The following NCOA2 variants were observed in gnomAD, a reference collection of about 807,000 sequenced individuals.
NCOA2 encodes nuclear receptor coactivator 2.
NCOA2 carries 21 observed loss-of-function variants against 145.1 expected under a neutral mutation model. The ratio of observed to expected loss-of-function variants is 0.14; its 90% confidence interval spans 0.10 to 0.21. The LOEUF is 0.21. NCOA2 is among the 10% of genes least tolerant of loss of function. The probability of loss-of-function intolerance (pLI) is 1.00; values close to 1 mark genes in which losing one functional copy is unlikely to be tolerated. For missense variants in NCOA2, 1,472 were observed against 1,837.6 expected, an observed-to-expected ratio of 0.80 and a Z score of 3.64; for synonymous variants, 619 against 637.5, an observed-to-expected ratio of 0.97 and a Z score of 0.44.
chr8:70,411,287 A>G, the NCOA2 span, among the ~76,000 whole-genome samples: 1 of 152,194 alleles, frequency 6.6e-6, no homozygotes, highest in Non-Finnish European at 1.5e-5. Context: ...CAATGTGATA[A>G]AAGGGGAAAA....
intron 22 of NCOA2, among the ~76,000 whole-genome samples, chr8:70,114,931 C>G (rs544002663): frequency 9.9e-5 from 15 of 152,228 alleles, no homozygotes; most frequent in African/African-American, 2.9e-4. Context: ...CACAATTCTC[C>G]TAAGCTTAAA....
intron 1 of NCOA2, among the ~76,000 whole-genome samples, chr8:70,302,416 C>G (rs966360743): frequency 1.3e-5 from 2 of 152,124 alleles, no homozygotes; most frequent in African/African-American, 4.8e-5. Context: ...ATTTCTTTCT[C>G]TGTTTAAAAG....
chr8:70,340,800 G>A (rs796191369), intron 1 of NCOA2, among the ~76,000 whole-genome samples: 9 of 152,262 alleles, frequency 5.9e-5, no homozygotes, highest in South Asian at 4.1e-4. Flanking sequence ...TGGACATGAA[G>A]TTACTATCCT....
At chr8:70,366,342 A>G (rs994881844) in intron 1 of NCOA2, among the ~76,000 whole-genome samples, 2 of 152,198 alleles carry the variant, frequency 1.3e-5, no homozygotes, top group African/African-American at 4.8e-5. Context: ...GCACAGGTTC[A>G]CAAAGCTTCT....
At chr8:70,405,309 A>G (rs1318263159), upstream of NCOA2, among the ~76,000 whole-genome samples, 2 of 152,110 alleles carry the variant, frequency 1.3e-5, no homozygotes, top group African/African-American at 2.4e-5. Context: ...TTGGAAGCCT[A>G]TAACAACAAA....
chr8:70,252,526 C>G lies in NCOA2; in HGVS notation c.-19-35762G>C, dbSNP rs115078220. 1.9e-3 allele frequency among the ~76,000 whole-genome samples: 296 copies of G among 152,308 alleles called. 2 individuals carry two copies. The highest frequency in any genetic ancestry group is 6.8e-3 in the African/African-American group (284 of 41,564). ...ACATAACTTCTTCCCATCCTTAACT[C>G]TGGTGGGTTAACCAGATTTGCTCTT... On this transcript the variant is annotated intron_variant, in intron 2 of 22. Coordinates refer to ENST00000452400, the MANE Select transcript of NCOA2 (RefSeq NM_006540.4).
intron 5 of NCOA2, among the ~76,000 whole-genome samples, chr8:70,173,876 A>G (rs1261999602): frequency 6.6e-6 from 1 of 152,148 alleles, no homozygotes; most frequent in African/African-American, 2.4e-5. Flanking sequence ...AAGGGGGACT[A>G]TTGGTTATCT....
intron 2 of NCOA2, among the ~76,000 whole-genome samples, chr8:70,224,179 T>C (rs1261522555): frequency 6.6e-6 from 1 of 152,190 alleles, no homozygotes; most frequent in African/African-American, 2.4e-5. Context: ...CATGCACAAT[T>C]ATTCCCCGAA....
chr8:70,243,657 A>G (rs951820431), intron 2 of NCOA2, among the ~76,000 whole-genome samples: 1 of 151,986 alleles, frequency 6.6e-6, no homozygotes, highest in Admixed American at 6.6e-5. Flanking sequence ...TATTATTCAA[A>G]ATATTTAACA....
the NCOA2 span, among the ~76,000 whole-genome samples, chr8:70,435,303 T>C: frequency 6.7e-6 from 1 of 149,544 alleles, no homozygotes; most frequent in African/African-American, 2.5e-5. Flanking sequence ...TGGGCGCCTG[T>C]AATCCCAGCT....
intron 1 of NCOA2, among the ~76,000 whole-genome samples, chr8:70,299,674 T>C (rs1239836129): frequency 1.3e-5 from 2 of 152,202 alleles, no homozygotes; most frequent in African/African-American, 4.8e-5. Flanking sequence ...GACAAGGATA[T>C]GAAGAAATCA....
upstream of NCOA2, among the ~76,000 whole-genome samples, chr8:70,405,437 GT>G (rs34814735): frequency 2.4e-3 from 145 of 59,364 alleles, no homozygotes; most frequent in African/African-American, 0.01. Context: ...ATTTTTAAAG[GT>G]TTTTTTTTTT....
At chr8:70,383,348 A>G (rs1312405034) in intron 1 of NCOA2, among the ~76,000 whole-genome samples, 1 of 152,220 alleles carries the variant, frequency 6.6e-6, no homozygotes, top group African/African-American at 2.4e-5. Context: ...TAAGACAGAC[A>G]CACTGTCAGA....
At chr8:70,183,932 A>G (rs1361973759) in intron 4 of NCOA2, among the ~76,000 whole-genome samples, 1 of 152,212 alleles carries the variant, frequency 6.6e-6, no homozygotes, top group Non-Finnish European at 1.5e-5. Flanking sequence ...CTGTGAATAC[A>G]GTTTCACAGC....
chr8:70,128,072 C>T (rs1808644971), intron 18 of NCOA2, among the ~76,000 whole-genome samples: 1 of 152,152 alleles, frequency 6.6e-6, no homozygotes, highest in Non-Finnish European at 1.5e-5. Flanking sequence ...TAAACAGAAA[C>T]ACACATAAAA....
At chr8:70,118,948 A>T (rs1484781583) in intron 22 of NCOA2, among the ~76,000 whole-genome samples, 1 of 152,108 alleles carries the variant, frequency 6.6e-6, no homozygotes, top group Non-Finnish European at 1.5e-5. Context: ...TCAGCCTCCG[A>T]AAGTGTTGGG....
intron 2 of NCOA2, chr8:70,273,316 G>A (rs773300092): frequency 4.9e-5 from 14 of 286,028 alleles, no homozygotes; most frequent in South Asian, 1.2e-4. Context: ...TGGTTCCCCC[G>A]AGACCCCCTG....
intron 1 of NCOA2, among the ~76,000 whole-genome samples, chr8:70,320,994 G>C (rs1471837761): frequency 1.3e-5 from 2 of 152,004 alleles, no homozygotes; most frequent in Non-Finnish European, 2.9e-5. Context: ...CTACTATTTC[G>C]CAGTGACCTG....
At chr8:70,403,928 G>A, upstream of NCOA2, 1 of 375,352 alleles carries the variant, frequency 2.7e-6, no homozygotes, top group East Asian at 3.8e-5. Context: ...CGCGAGCAGG[G>A]GAGGGGGCTC....
Sources: allele counts gnomAD v4.1 joint callset (sites outside exome capture counted in the v4.1 genomes callset), GRCh38; gene constraint gnomAD v4.1.1; transcripts MANE v1.5; gene names NCBI Gene and HGNC (gene_info 2026-07-23, HGNC 2026-07-21).